Variants in DNM3 observed in about 807,000 individuals in gnomAD.
DNM3 encodes the protein dynamin-3.
In DNM3, 47 loss-of-function variants were observed where a neutral mutation model predicts 101.6. The observed-to-expected ratio is 0.46, with a 90% CI of 0.37 to 0.59. DNM3 has a LOEUF of 0.59. Among genes scored for constraint, DNM3 ranks in the 20% least tolerant of loss-of-function variants. The pLI is 0.00. For missense variants in DNM3, 849 were observed against 1,085.7 expected (o/e 0.78, Z 3.06); for synonymous variants, 385 against 387.9 (o/e 0.99, Z 0.09).
intron 15 of DNM3, among the ~76,000 whole-genome samples, chr1:172,306,580 T>C (rs2064827750): frequency 6.6e-6 from 1 of 152,176 alleles, no homozygotes; most frequent in African/African-American, 2.4e-5. Flanking sequence ...AAGACAATCC[T>C]AAGCAAAAAG....
rs150792234 is a variant in DNM3, at chr1:172,067,728, T to G, written c.1336-1091T>G. ...AACAACTGAATTAAGGTATTCACTT[T>G]TGCAAACTATGTTTTGAACAATTAC... On this transcript the variant is annotated intron_variant, in intron 10 of 20. Transcript: ENST00000627582. Among the ~76,000 whole-genome samples the G allele has an allele frequency of 3.8e-3, 578 of 152,318 alleles. 7 individuals are homozygous for G. Among genetic ancestry groups the G allele is most frequent in the African/African-American group, 0.013 (560 of 41,578 alleles).
At chr1:172,062,045 G>T (rs1344169242) in intron 10 of DNM3, among the ~76,000 whole-genome samples, 1 of 151,952 alleles carries the variant, frequency 6.6e-6, no homozygotes, top group Non-Finnish European at 1.5e-5. Context: ...TTCAGGCCTG[G>T]GACTTGGTTT....
At chr1:172,339,481 C>T (rs577198882) in intron 17 of DNM3, among the ~76,000 whole-genome samples, 1 of 152,182 alleles carries the variant, frequency 6.6e-6, no homozygotes, top group African/African-American at 2.4e-5. Flanking sequence ...TCCTCAAAAT[C>T]GTGCAGTTTG....
intron 14 of DNM3, among the ~76,000 whole-genome samples, chr1:172,225,852 G>GAT (rs2061097999): frequency 6.6e-6 from 1 of 151,120 alleles, no homozygotes; most frequent in East Asian, 1.9e-4. Context: ...TTATATATAT[G>GAT]ATATATATAT....
At chr1:172,220,052 C>G (rs2060852217) in intron 14 of DNM3, among the ~76,000 whole-genome samples, 1 of 152,160 alleles carries the variant, frequency 6.6e-6, no homozygotes, top group Non-Finnish European at 1.5e-5. Flanking sequence ...GGCAAGCTAA[C>G]TAAATCTCAC....
At chr1:172,067,640 T>C (rs902568846) in intron 10 of DNM3, among the ~76,000 whole-genome samples, 3 of 152,190 alleles carry the variant, frequency 2.0e-5, no homozygotes, top group African/African-American at 7.2e-5. Context: ...TAAGTCTTCC[T>C]TCTGGATTAG....
intron 15 of DNM3, among the ~76,000 whole-genome samples, chr1:172,266,413 T>A (rs562019003): frequency 6.6e-6 from 1 of 152,274 alleles, no homozygotes; most frequent in South Asian, 2.1e-4. Context: ...TGTATCAGAA[T>A]TTCAGTAAGG....
At chr1:171,996,813 G>A (rs2125652680) in intron 4 of DNM3, among the ~76,000 whole-genome samples, 1 of 152,202 alleles carries the variant, frequency 6.6e-6, no homozygotes, top group South Asian at 2.1e-4. Context: ...CAGATTGCTT[G>A]AGCCCAGGAG....
intron 2 of DNM3, among the ~76,000 whole-genome samples, chr1:171,952,831 C>G (rs2042614589): frequency 6.6e-6 from 1 of 152,122 alleles, no homozygotes; most frequent in African/African-American, 2.4e-5. Flanking sequence ...ATGACTGGGA[C>G]AGGTAGTACC....
intron 15 of DNM3, among the ~76,000 whole-genome samples, chr1:172,274,264 G>A (rs981726898): frequency 1.3e-4 from 20 of 152,062 alleles, no homozygotes; most frequent in Non-Finnish European, 7.4e-5. Flanking sequence ...TTTGCTGAGT[G>A]ATGATGCAGG....
intron 14 of DNM3, among the ~76,000 whole-genome samples, chr1:172,174,247 T>A (rs2059073680): frequency 6.6e-6 from 1 of 151,618 alleles, no homozygotes; most frequent in Non-Finnish European, 1.5e-5. Context: ...GAGTATAGAA[T>A]GATTTTTTTT....
rs552633848 is a variant in DNM3, at chr1:172,168,239, A to G, written c.1659+36951A>G. On this transcript the variant is annotated intron_variant, in intron 14 of 20. Coordinates refer to ENST00000627582, the MANE Select transcript of DNM3 (RefSeq NM_015569.5). ...TACTTTAGATTACTAATCATTAAAT[A>G]TGGTCTCCCTTTTTTTTTTGTCTTT... is the stretch of plus-strand genomic sequence containing the variant. Among the ~76,000 whole-genome samples the G allele has an allele frequency of 3.9e-4, 47 of 120,246 alleles. 1 individual carries two copies. In the South Asian group the frequency reaches 0.011, roughly 29 times the overall value. The allele number at this position is 120,246 out of a possible 152,430, so 78.9% of individuals were successfully genotyped here.
At chr1:172,414,494 T>C (rs1224249780), downstream of DNM3, among the ~76,000 whole-genome samples, 8 of 152,250 alleles carry the variant, frequency 5.3e-5, no homozygotes, top group Admixed American at 5.2e-4. Flanking sequence ...AGATGAGTAA[T>C]GTCTACATAT....
At chr1:172,377,382 C>T (rs2068656181) in intron 17 of DNM3, among the ~76,000 whole-genome samples, 1 of 151,602 alleles carries the variant, frequency 6.6e-6, no homozygotes, top group African/African-American at 2.4e-5. Flanking sequence ...GCTGAAATGC[C>T]ATTACCTGGT....
intron 14 of DNM3, among the ~76,000 whole-genome samples, chr1:172,227,305 T>A: frequency 7.3e-6 from 1 of 136,142 alleles, no homozygotes; most frequent in African/African-American, 2.8e-5. Flanking sequence ...TATATATATA[T>A]CACATTTTCT....
intron 14 of DNM3, 61 bp downstream of exon 14, chr1:172,131,349 ATATTAT>A: frequency 7.1e-7 from 1 of 1,409,910 alleles, no homozygotes; most frequent in Non-Finnish European, 9.9e-7. Context: ...AAATTAACTG[ATATTAT>A]TATACTATGC....
intron 16 of DNM3, among the ~76,000 whole-genome samples, chr1:172,319,885 T>G (rs1421573847): frequency 6.6e-6 from 1 of 152,142 alleles, no homozygotes; most frequent in East Asian, 1.9e-4. Flanking sequence ...TTACTGGGTA[T>G]ATACCCAAAG....
intron 17 of DNM3, among the ~76,000 whole-genome samples, chr1:172,352,586 C>T (rs1267421618): frequency 3.3e-5 from 5 of 152,090 alleles, no homozygotes; most frequent in African/African-American, 4.8e-5. Flanking sequence ...CTTTAGTTAA[C>T]GTATTTTCAC....
At chr1:172,006,326 T>C (rs1195029061) in intron 4 of DNM3, among the ~76,000 whole-genome samples, 1 of 152,084 alleles carries the variant, frequency 6.6e-6, no homozygotes, top group African/African-American at 2.4e-5. Context: ...TTATCTTCTT[T>C]GACATATCTG....
Sources: allele counts gnomAD v4.1 joint callset (sites outside exome capture counted in the v4.1 genomes callset), GRCh38; gene constraint gnomAD v4.1.1; transcripts MANE v1.5; gene names NCBI Gene and HGNC (gene_info 2026-07-23, HGNC 2026-07-21).